Variants in PBRM1 observed in about 807,000 individuals in gnomAD.
PBRM1 encodes polybromo 1.
PBRM1 carries 27 observed loss-of-function variants against 194.5 expected under a neutral mutation model. The ratio of observed to expected loss-of-function variants is 0.14; its 90% CI spans 0.10 to 0.19. The LOEUF (loss-of-function observed/expected upper bound fraction) is 0.19. PBRM1 is among the 10% of genes least tolerant of loss of function. The pLI is 1.00. For synonymous variants in PBRM1, 655 were observed against 693.2 expected, an observed-to-expected ratio of 0.94 and a Z score of 0.87; for missense variants, 1,466 against 2,077.2, an observed-to-expected ratio of 0.71 and a Z score of 5.72.
chr3:52,677,815 G>C (rs991794799), intron 2 of PBRM1, among the ~76,000 whole-genome samples: 1 of 151,870 alleles, frequency 6.6e-6, no homozygotes, highest in African/African-American at 2.4e-5. Context: ...CCCACCTATA[G>C]ACCTCCCAAA....
intron 22 of PBRM1, among the ~76,000 whole-genome samples, chr3:52,573,496 G>A (rs184285539): frequency 1.3e-5 from 2 of 152,116 alleles, no homozygotes; most frequent in Non-Finnish European, 2.9e-5. Flanking sequence ...GTTTCACCAC[G>A]TTGGCCAGGC....
chr3:52,642,994 G>A (rs551568058), intron 9 of PBRM1, among the ~76,000 whole-genome samples: 1 of 152,096 alleles, frequency 6.6e-6, no homozygotes, highest in East Asian at 1.9e-4. Flanking sequence ...CACCATGTTG[G>A]CCAGGCTGGT....
At position 52,634,712 on chromosome 3, in the gene PBRM1, C is replaced by G. The variant is rs776876698; in HGVS notation, c.1191G>C (p.Arg397=). The stretch of plus-strand genomic sequence containing the variant: ...CAGCTATTAGCTGCCCTTGGTTATT[C>G]CGACAACTCCTAACTGTGTCATAAA... Residue 397 remains arginine, a synonymous_variant, in exon 11 of 30, where the codon CGG becomes CGC. Coordinates refer to ENST00000296302, the Ensembl canonical transcript of PBRM1. 4 of 1,613,680 alleles carry G rather than the reference C, an allele frequency of 2.5e-6. No individual in the cohort carries two copies. The Admixed American group carries it at 6.7e-5, about 27-fold the overall frequency.
intron 17 of PBRM1, among the ~76,000 whole-genome samples, chr3:52,591,420 G>C (rs895750386): frequency 6.6e-6 from 1 of 150,414 alleles, no homozygotes; most frequent in Non-Finnish European, 1.5e-5. Context: ...TTATTTAGAA[G>C]TATGTTTCTT....
intron 13 of PBRM1, among the ~76,000 whole-genome samples, chr3:52,618,671 C>T (rs531654181): frequency 5.3e-5 from 8 of 151,204 alleles, no homozygotes; most frequent in Non-Finnish European, 7.4e-5. Context: ...CTCAGCTCAC[C>T]GCAACCTCTG....
intron 13 of PBRM1, among the ~76,000 whole-genome samples, chr3:52,623,465 A>G (rs2153546799): frequency 6.6e-6 from 1 of 152,354 alleles, no homozygotes; most frequent in South Asian, 2.1e-4. Context: ...AAGGCTTGCT[A>G]TATTTCACCT....
chr3:52,663,937 G>T (rs2096776255), intron 3 of PBRM1, among the ~76,000 whole-genome samples: 1 of 152,048 alleles, frequency 6.6e-6, no homozygotes, highest in South Asian at 2.1e-4. Context: ...GTGGGTGCCT[G>T]TAGTCCCAGC....
In PBRM1 at chr3:52,609,405, A is replaced by G. The variant is rs2094503854; in HGVS notation, c.2475T>C (p.Ile825=). 6.2e-7 allele frequency: 1 copy of G among 1,613,674 alleles called. No individual in the cohort carries two copies. Among genetic ancestry groups the G allele is most frequent in the East Asian group, 2.2e-5 (1 of 44,888 alleles). ...AGCGATTATTTTCAACATTCTTCCT[A>G]ATTATGTCAAATGTAAGGGGTGGTT... Residue 825 remains isoleucine, a synonymous_variant, in exon 16 of 30, where the codon ATT becomes ATC. Transcript: ENST00000296302. This position sits in a 1 kb window ranked among gnomAD's most constrained non-coding sequence, Gnocchi z 4.1.
At chr3:52,642,751 G>C (rs996146755) in intron 9 of PBRM1, among the ~76,000 whole-genome samples, 1 of 151,436 alleles carries the variant, frequency 6.6e-6, no homozygotes, top group African/African-American at 2.4e-5. Flanking sequence ...CTTAAGCATC[G>C]TCTGAGAGGT....
chr3:52,662,352 G>C, intron 3 of PBRM1, 76 bp from the exon 5 acceptor site: 2 of 1,319,878 alleles, frequency 1.5e-6, no homozygotes, highest in Non-Finnish European at 2.1e-6. Flanking sequence ...TAAAGCACCT[G>C]TTTCAGCAAA....
chr3:52,561,568 G>A (rs907545230), intron 25 of PBRM1, among the ~76,000 whole-genome samples, 199 bp downstream of exon 27: 1 of 152,208 alleles, frequency 6.6e-6, no homozygotes, highest in Non-Finnish European at 1.5e-5. Context: ...ACCAGGATCA[G>A]AGGCCAAGTC....
chr3:52,588,050 C>T (rs2092625482), intron 18 of PBRM1, among the ~76,000 whole-genome samples: 1 of 152,052 alleles, frequency 6.6e-6, no homozygotes, highest in Non-Finnish European at 1.5e-5. Flanking sequence ...GGCTCTTCTT[C>T]ATATTAAAAG....
chr3:52,586,360 A>G, intron 20 of PBRM1, 65 bp downstream of exon 22: 1 of 1,350,616 alleles, frequency 7.4e-7, no homozygotes, highest in South Asian at 1.4e-5. Flanking sequence ...TACTTTATTC[A>G]TTTATTTTCT....
At chr3:52,652,211 C>T (rs1359202201) in intron 5 of PBRM1, among the ~76,000 whole-genome samples, 1 of 151,464 alleles carries the variant, frequency 6.6e-6, no homozygotes, top group Non-Finnish European at 1.5e-5. Flanking sequence ...TGGTGAAACC[C>T]CATCTCTACT....
intron 2 of PBRM1, among the ~76,000 whole-genome samples, chr3:52,677,306 G>A (rs2097126847): frequency 6.6e-6 from 1 of 151,988 alleles, no homozygotes; most frequent in Admixed American, 6.6e-5. Flanking sequence ...TACAGTGGCG[G>A]GATCTCAGCT....
At chr3:52,625,118 G>A (rs942662458) in intron 13 of PBRM1, among the ~76,000 whole-genome samples, 177 bp from the exon 15 acceptor site, 4 of 152,070 alleles carry the variant, frequency 2.6e-5, no homozygotes, top group Non-Finnish European at 4.4e-5. Flanking sequence ...TGCACCCCCA[G>A]AATGAAGAGA....
chr3:52,586,571 T>C (rs759389631), exon 20 of PBRM1: 9 of 1,614,020 alleles, frequency 5.6e-6, no homozygotes, highest in Non-Finnish European at 5.9e-6. Context: ...CTGACTGAGC[T>C]GATGGGCATG....
chr3:52,552,280 G>A (rs557267595), intron 27 of PBRM1, among the ~76,000 whole-genome samples: 1 of 152,202 alleles, frequency 6.6e-6, no homozygotes, highest in East Asian at 1.9e-4. Context: ...GCACAAATCA[G>A]CAAACTCTTC....
chr3:52,589,061 CA>C lies in PBRM1; in HGVS notation c.2965+8del. 6.2e-7 allele frequency: 1 copy of C among 1,609,324 alleles called. No homozygotes were observed. Among genetic ancestry groups the C allele is most frequent in the Non-Finnish European group, 8.5e-7 (1 of 1,176,230 alleles). On this transcript the variant is annotated splice_region_variant and intron_variant, in intron 18 of 29. Coordinates refer to ENST00000296302, the Ensembl canonical transcript of PBRM1. Reference sequence around the variant, plus strand: ...CACTAAACTGTCCTTTGATTTAAAACAAACTTACCAGCTGAATCCTCCCACA... The same window carrying C: ...CACTAAACTGTCCTTTGATTTAAAACAACTTACCAGCTGAATCCTCCCACA...
Sources: allele counts gnomAD v4.1 joint callset (sites outside exome capture counted in the v4.1 genomes callset), GRCh38; gene constraint gnomAD v4.1.1; non-coding constraint Gnocchi (gnomAD v3.1); transcripts MANE v1.5; gene names NCBI Gene and HGNC (gene_info 2026-07-23, HGNC 2026-07-21).